ADRB1: variants seen among roughly 807,000 people sequenced by gnomAD.
The protein encoded by ADRB1 is adrenoceptor beta 1.
For synonymous variants in ADRB1, 365 were observed against 347.2 expected (o/e 1.05, Z -0.57); for missense variants, 635 against 709.1 (o/e 0.90, Z 1.19).
chr10:114,045,143 G>A lies in ADRB1; in HGVS notation c.1011G>A (p.Trp337Ter). Residue 337 changes from tryptophan (W) to a stop codon, truncating the protein, a stop_gained, in exon 1 of 1, where the codon TGG (tryptophan) becomes TGA (stop). Coordinates refer to ENST00000369295, the MANE Select transcript of ADRB1 (RefSeq NM_000684.3). LOFTEE classifies it low-confidence loss of function (END_TRUNC). ...GIIMGVFTLC[W>*]LPFFLANVVK... Reference sequence around the variant, plus strand: ...TCATGGGCGTCTTCACGCTCTGCTGGCTGCCCTTCTTCCTGGCCAACGTGG... The same window carrying A: ...TCATGGGCGTCTTCACGCTCTGCTGACTGCCCTTCTTCCTGGCCAACGTGG... 2 of 1,592,668 alleles carry A rather than the reference G, an allele frequency of 1.3e-6. No individual in the cohort carries two copies. Among genetic ancestry groups the A allele is most frequent in the Non-Finnish European group, 8.5e-7 (1 of 1,170,146 alleles).
Position 114,045,479 on chromosome 10 carries a change from C to G in ADRB1, c.1347C>G (p.Ala449=), listed in dbSNP as rs751247368. 1,243 of 1,283,992 alleles carry G rather than the reference C, an allele frequency of 9.7e-4. 9 individuals are homozygous for G. The African/African-American group carries it at 0.016, about 16-fold the overall frequency. 79.5% of individuals were successfully genotyped at this position (1,283,992 alleles called of 1,614,324 possible). ...CCGCGCGCCTGCTGGAGCCCTGGGC[C>G]GGCTGCAACGGCGGGGCGGCGGCGG... ...TPPARLLEPW[A]GCNGGAAADS... The change falls in exon 1 of 1, where the codon GCC becomes GCG. Residue 449 remains alanine (A), a synonymous_variant. Transcript: ENST00000369295.
Position 114,044,418 on chromosome 10 carries a change from T to G in ADRB1, c.286T>G (p.Phe96Val). Residue 96 changes from phenylalanine (F) to valine (V), a missense_variant, in exon 1 of 1, where the codon TTC becomes GTC. Transcript: ENST00000369295. The surrounding 1 kb of genome is among the most constrained non-coding windows in gnomAD (Gnocchi z 7.8). ...GCGGCTGCAGACGCTCACCAACCTC[T>G]TCATCATGTCCCTGGCCAGCGCCGA... The part of the protein sequence containing the change: ...TPRLQTLTNL[F>V]IMSLASADLV... 6.2e-7 allele frequency: 1 copy of G among 1,612,192 alleles called. No homozygotes were observed. The highest frequency in any genetic ancestry group is 8.5e-7 in the Non-Finnish European group (1 of 1,179,924).
At position 114,044,200 on chromosome 10, in the gene ADRB1, C is replaced by T. The variant is rs1359354807; in HGVS notation, c.68C>T (p.Pro23Leu). 1 of 1,391,162 alleles carries T rather than the reference C, an allele frequency of 7.2e-7. No individual in the cohort carries two copies. The highest frequency in any genetic ancestry group is 9.2e-7 in the Non-Finnish European group (1 of 1,085,728). The allele number at this position is 1,391,162 out of a possible 1,614,324, so 86.2% of individuals were successfully genotyped here. A position where few individuals can be genotyped will look rare whatever the true frequency, so the allele number is the denominator to read the frequency against. ...AACCTGTCGTCGGCCGCACCGCTCCCCGACGGCGCGGCCACCGCGGCGCGG... is the reference window on the plus strand; with the variant it reads ...AACCTGTCGTCGGCCGCACCGCTCCTCGACGGCGCGGCCACCGCGGCGCGG... ...PGNLSSAAPLPDGAATAARLL... is the reference protein window; with the variant it reads ...PGNLSSAAPLLDGAATAARLL... Residue 23 changes from proline to leucine, a missense_variant, in exon 1 of 1, where the codon CCC (proline) becomes CTC (leucine). Pro to Leu is a moderately conservative substitution (Grantham distance 98). Transcript: ENST00000369295. This position sits in a 1 kb window ranked among gnomAD's most constrained non-coding sequence, Gnocchi z 7.8.
In ADRB1 at chr10:114,045,630, C is replaced by T; in HGVS notation, c.*64C>T. 1 of 1,232,012 alleles carries T rather than the reference C, an allele frequency of 8.1e-7. No individual in the cohort carries two copies. The highest frequency in any genetic ancestry group is 1.0e-6 in the Non-Finnish European group (1 of 974,090). The allele number at this position is 1,232,012 out of a possible 1,614,324, so 76.3% of individuals were successfully genotyped here. A position where few individuals can be genotyped will look rare whatever the true frequency, so the allele number is the denominator to read the frequency against. ...AGGGGAACGAGGAGATCTGTGTTTA[C>T]TTAAGACCGATAGCAGGTGAACTCG... On this transcript the variant is annotated 3_prime_UTR_variant, in exon 1 of 1. Coordinates refer to ENST00000369295, the MANE Select transcript of ADRB1 (RefSeq NM_000684.3).
At position 114,044,957 on chromosome 10, in the gene ADRB1, C is replaced by T. The variant is rs1589585116; in HGVS notation, c.825C>T (p.Pro275=). 1 of 1,271,824 alleles carries T rather than the reference C, an allele frequency of 7.9e-7. No individual in the cohort carries two copies. 78.8% of individuals were successfully genotyped at this position (1,271,824 alleles called of 1,614,324 possible). ...FLGGPARPPS[P]SPSPVPAPAP... Reference sequence around the variant, plus strand: ...GCGGCCCAGCGCGGCCGCCCTCGCCCTCGCCCTCGCCCGTCCCCGCGCCCG... The same window carrying T: ...GCGGCCCAGCGCGGCCGCCCTCGCCTTCGCCCTCGCCCGTCCCCGCGCCCG... The change falls in exon 1 of 1, where the codon CCC becomes CCT. Residue 275 remains proline (P), a synonymous_variant. Coordinates refer to ENST00000369295, the MANE Select transcript of ADRB1 (RefSeq NM_000684.3). The surrounding 1 kb of genome is among the most constrained non-coding windows in gnomAD (Gnocchi z 7.8).
Position 114,044,702 on chromosome 10 carries a change from C to G in ADRB1, c.570C>G (p.Ser190=). 1 of 1,612,674 alleles carries G rather than the reference C, an allele frequency of 6.2e-7. No homozygotes were observed. Among genetic ancestry groups the G allele is most frequent in the Non-Finnish European group, 8.5e-7 (1 of 1,179,818 alleles). The change falls in exon 1 of 1, where the codon TCC becomes TCG. Residue 190 remains serine (S), a synonymous_variant. Transcript: ENST00000369295. The surrounding 1 kb of genome is among the most constrained non-coding windows in gnomAD (Gnocchi z 7.8). ...CTVWAISALV[S]FLPILMHWWR... is the part of the protein sequence containing the mutation. ...TGTGGGCCATCTCGGCCCTGGTGTC[C>G]TTCCTGCCCATCCTCATGCACTGGT...
chr10:114,044,483 C>G lies in ADRB1; in HGVS notation c.351C>G (p.Thr117=), dbSNP rs138330968. The change falls in exon 1 of 1, where the codon ACC becomes ACG. Residue 117 remains threonine (T), a synonymous_variant. Coordinates refer to ENST00000369295, the MANE Select transcript of ADRB1 (RefSeq NM_000684.3). The surrounding 1 kb of genome is among the most constrained non-coding windows in gnomAD (Gnocchi z 7.8). Reference sequence around the variant, plus strand: ...TGCTGGTGGTGCCGTTCGGGGCCACCATCGTGGTGTGGGGCCGCTGGGAGT... The same window carrying G: ...TGCTGGTGGTGCCGTTCGGGGCCACGATCGTGGTGTGGGGCCGCTGGGAGT... ...MGLLVVPFGA[T]IVVWGRWEYG... is the part of the protein sequence containing the mutation. The G allele has an allele frequency of 4.4e-5, 71 of 1,613,588 alleles. No homozygotes were observed. The African/African-American group carries it at 7.1e-4, about 16-fold the overall frequency.
rs762200213 is a variant in ADRB1, at chr10:114,044,946, CCGCCCT to C, written c.832_837del (p.Ser278_Pro279del). The C allele has an allele frequency of 9.0e-5, 135 of 1,495,866 alleles. 1 individual carries two copies. Among genetic ancestry groups the C allele is most frequent in the Admixed American group, 1.6e-4 (7 of 43,588 alleles). The allele number at this position is 1,495,866 out of a possible 1,614,324, so 92.7% of individuals were successfully genotyped here. On this transcript the variant is annotated inframe_deletion, in exon 1 of 1. Transcript: ENST00000369295. This position sits in a 1 kb window ranked among gnomAD's most constrained non-coding sequence, Gnocchi z 7.8. ...CCGTTTCCTCGGCGGCCCAGCGCGG[CCGCCCT>C]CGCCCTCGCCCTCGCCCGTCCCCGC...
Position 114,045,797 on chromosome 10 carries a change from C to CTTTTTTTTTTTTTTTTTTTTTTT in ADRB1, c.*233_*234insTTTTTTTTTTTTTTTTTTTTTTT, listed in dbSNP as rs1400945012. ...TTTTTTTTCTTTTCTTTTCTTTCTT[C>CTTTTTTTTTTTTTTTTTTTTTTT]TTCTTTTTTTTTTTTTTTTTTTTTT... On this transcript the variant is annotated 3_prime_UTR_variant, in exon 1 of 1. Transcript: ENST00000369295. The CTTTTTTTTTTTTTTTTTTTTTTT allele has an allele frequency of 1.1e-5, 2 of 180,280 alleles. No individual in the cohort carries two copies. The highest frequency in any genetic ancestry group is 8.4e-5 in the African/African-American group (2 of 23,804). 11.2% of individuals were successfully genotyped at this position (180,280 alleles called of 1,614,324 possible).
Position 114,045,235 on chromosome 10 carries a change from C to T in ADRB1, c.1103C>T (p.Ala368Val). The change falls in exon 1 of 1, where the codon GCC becomes GTC. Residue 368 changes from alanine (A) to valine (V), a missense_variant. Ala to Val is a moderately conservative substitution (Grantham distance 64). Coordinates refer to ENST00000369295, the MANE Select transcript of ADRB1 (RefSeq NM_000684.3). ...GTCTTCTTCAACTGGCTGGGCTACG[C>T]CAACTCGGCCTTCAACCCCATCATC... is the stretch of plus-strand genomic sequence containing the variant. ...LFVFFNWLGY[A>V]NSAFNPIIYC... 1 of 1,599,802 alleles carries T rather than the reference C, an allele frequency of 6.3e-7. No homozygotes were observed. The highest frequency in any genetic ancestry group is 8.5e-7 in the Non-Finnish European group (1 of 1,172,992).
In ADRB1 at chr10:114,044,397, C is replaced by G; in HGVS notation, c.265C>G (p.Leu89Val). ...VIVAIAKTPR[L>V]QTLTNLFIMS... ...CGTGGCCATCGCCAAGACGCCGCGG[C>G]TGCAGACGCTCACCAACCTCTTCAT... is the stretch of plus-strand genomic sequence containing the variant. Residue 89 changes from leucine to valine, a missense_variant, in exon 1 of 1, where the codon CTG (leucine) becomes GTG (valine). Transcript: ENST00000369295. This position sits in a 1 kb window ranked among gnomAD's most constrained non-coding sequence, Gnocchi z 7.8. 1 of 1,611,234 alleles carries G rather than the reference C, an allele frequency of 6.2e-7. No homozygotes were observed. The highest frequency in any genetic ancestry group is 8.5e-7 in the Non-Finnish European group (1 of 1,179,892).
In ADRB1 at chr10:114,044,127, C is replaced by G; in HGVS notation, c.-6C>G. ...CACCCCCCGCCCCCGGCCTCCGCAG[C>G]TCGGCATGGGCGCGGGGGTGCTCGT... On this transcript the variant is annotated 5_prime_UTR_variant, in exon 1 of 1. Coordinates refer to ENST00000369295, the MANE Select transcript of ADRB1 (RefSeq NM_000684.3). This position sits in a 1 kb window ranked among gnomAD's most constrained non-coding sequence, Gnocchi z 7.8. 1.6e-6 allele frequency: 2 copies of G among 1,272,590 alleles called. No homozygotes were observed. The highest frequency in any genetic ancestry group is 2.0e-6 in the Non-Finnish European group (2 of 1,015,944). The allele number at this position is 1,272,590 out of a possible 1,614,324, so 78.8% of individuals were successfully genotyped here.
At position 114,045,081 on chromosome 10, in the gene ADRB1, C is replaced by T. The variant is rs1188558440; in HGVS notation, c.949C>T (p.Leu317=). 6.8e-7 allele frequency: 1 copy of T among 1,477,414 alleles called. No individual in the cohort carries two copies. The highest frequency in any genetic ancestry group is 1.5e-5 in the African/African-American group (1 of 68,846). 91.5% of individuals were successfully genotyped at this position (1,477,414 alleles called of 1,614,324 possible). A position where few individuals can be genotyped will look rare whatever the true frequency, so the allele number is the denominator to read the frequency against. The change falls in exon 1 of 1, where the codon CTG becomes TTG. Residue 317 remains leucine, a synonymous_variant. Transcript: ENST00000369295. ...GCGGCGGCCCTCGCGCCTCGTGGCCCTGCGCGAGCAGAAGGCGCTCAAGAC... is the reference window on the plus strand; with the variant it reads ...GCGGCGGCCCTCGCGCCTCGTGGCCTTGCGCGAGCAGAAGGCGCTCAAGAC... ...GKRRPSRLVA[L]REQKALKTLG...
chr10:114,043,921 AGCGGCG>A lies in ADRB1; in HGVS notation c.-194_-189del. The A allele has an allele frequency of 2.1e-5, 5 of 233,646 alleles. No homozygotes were observed. Among genetic ancestry groups the A allele is most frequent in the Non-Finnish European group, 3.1e-5 (4 of 129,150 alleles). The allele number at this position is 233,646 out of a possible 1,614,324, so 14.5% of individuals were successfully genotyped here. On this transcript the variant is annotated 5_prime_UTR_variant, in exon 1 of 1. Transcript: ENST00000369295. ...CAGCAGCGGCAGCGGCTCCAGCAGC[AGCGGCG>A]GCGGCGGCGGCGGCGGCAGCGGCAG...
chr10:114,044,648 C>T lies in ADRB1; in HGVS notation c.516C>T (p.Arg172=). The change falls in exon 1 of 1, where the codon CGC becomes CGT. Residue 172 remains arginine (R), a synonymous_variant. Coordinates refer to ENST00000369295, the MANE Select transcript of ADRB1 (RefSeq NM_000684.3). This position sits in a 1 kb window ranked among gnomAD's most constrained non-coding sequence, Gnocchi z 7.8. ...TCCGCTACCAGAGCCTGCTGACGCG[C>T]GCGCGGGCGCGGGGCCTCGTGTGCA... ...SPFRYQSLLT[R]ARARGLVCTV... 6.2e-7 allele frequency: 1 copy of T among 1,612,860 alleles called. No individual in the cohort carries two copies. The highest frequency in any genetic ancestry group is 8.5e-7 in the Non-Finnish European group (1 of 1,179,900).
chr10:114,044,776 G>A lies in ADRB1; in HGVS notation c.644G>A (p.Cys215Tyr), dbSNP rs772100328. 2 of 1,613,536 alleles carry A rather than the reference G, an allele frequency of 1.2e-6. No homozygotes were observed. Among genetic ancestry groups the A allele is most frequent in the South Asian group, 2.2e-5 (2 of 91,090 alleles). The change falls in exon 1 of 1, where the codon TGC (cysteine) becomes TAC (tyrosine). Residue 215 changes from cysteine (C) to tyrosine (Y), a missense_variant. Physicochemically the swap from Cys to Tyr is radical, Grantham distance 194. Transcript: ENST00000369295. The surrounding 1 kb of genome is among the most constrained non-coding windows in gnomAD (Gnocchi z 7.8). ...CGCCGCTGCTACAACGACCCCAAGT[G>A]CTGCGACTTCGTCACCAACCGGGCC... ...EARRCYNDPK[C>Y]CDFVTNRAYA...
chr10:114,045,316 G>T lies in ADRB1; in HGVS notation c.1184G>T (p.Arg395Leu), dbSNP rs377602453. The T allele has an allele frequency of 3.6e-5, 55 of 1,544,624 alleles. No individual in the cohort carries two copies. The highest frequency in any genetic ancestry group is 4.6e-5 in the Non-Finnish European group (53 of 1,143,178). ...TTCCAGGGACTGCTCTGCTGCGCGC[G>T]CAGGGCTGCCCGCCGGCGCCACGCG... The part of the protein sequence containing the change: ...KAFQGLLCCA[R>L]RAARRRHATH... The change falls in exon 1 of 1, where the codon CGC becomes CTC. Residue 395 changes from arginine to leucine, a missense_variant. Transcript: ENST00000369295.
chr10:114,044,314 T>A lies in ADRB1; in HGVS notation c.182T>A (p.Met61Lys), dbSNP rs1847528780. 1 of 1,596,982 alleles carries A rather than the reference T, an allele frequency of 6.3e-7. No homozygotes were observed. ...EPLSQQWTAG[M>K]GLLMALIVLL... ...CTGTCTCAGCAGTGGACAGCGGGCATGGGTCTGCTGATGGCGCTCATCGTG... is the reference window on the plus strand; with the variant it reads ...CTGTCTCAGCAGTGGACAGCGGGCAAGGGTCTGCTGATGGCGCTCATCGTG... Residue 61 changes from methionine (M) to lysine (K), a missense_variant, in exon 1 of 1, where the codon ATG (methionine) becomes AAG (lysine). By Grantham distance (95) the Met-to-Lys change is moderately conservative. Transcript: ENST00000369295. The surrounding 1 kb of genome is among the most constrained non-coding windows in gnomAD (Gnocchi z 7.8).
In ADRB1 at chr10:114,044,960, G is replaced by A. The variant is rs917506945; in HGVS notation, c.828G>A (p.Ser276=). The A allele has an allele frequency of 1.0e-5, 13 of 1,263,768 alleles. No homozygotes were observed. Among genetic ancestry groups the A allele is most frequent in the Admixed American group, 4.2e-5 (1 of 23,958 alleles). The allele number at this position is 1,263,768 out of a possible 1,614,324, so 78.3% of individuals were successfully genotyped here. Residue 276 remains serine, a synonymous_variant, in exon 1 of 1, where the codon TCG becomes TCA. Transcript: ENST00000369295. The surrounding 1 kb of genome is among the most constrained non-coding windows in gnomAD (Gnocchi z 7.8). ...LGGPARPPSP[S]PSPVPAPAPP... is the part of the protein sequence containing the mutation. Reference sequence around the variant, plus strand: ...GCCCAGCGCGGCCGCCCTCGCCCTCGCCCTCGCCCGTCCCCGCGCCCGCGC... The same window carrying A: ...GCCCAGCGCGGCCGCCCTCGCCCTCACCCTCGCCCGTCCCCGCGCCCGCGC...
Sources: allele counts gnomAD v4.1 joint callset, GRCh38; gene constraint gnomAD v4.1.1; non-coding constraint Gnocchi (gnomAD v3.1); transcripts MANE v1.5; gene names NCBI Gene and HGNC (gene_info 2026-07-23, HGNC 2026-07-21).